PCDHA5: variants seen among roughly 807,000 people sequenced by gnomAD.
PCDHA5 encodes protocadherin alpha-5.
In PCDHA5, 43 loss-of-function variants were observed where a neutral mutation model predicts 61.6. That is an observed-to-expected ratio of 0.70 (90% CI 0.55 to 0.90). The LOEUF is 0.90. Among genes scored for constraint, PCDHA5 ranks in the 40% least tolerant of loss-of-function variants. PCDHA5 has a pLI of 0.00. For synonymous variants in PCDHA5, 627 were observed against 543.9 expected, an observed-to-expected ratio of 1.15 and a Z score of -2.13; for missense variants, 1,298 against 1,222.7, an observed-to-expected ratio of 1.06 and a Z score of -0.92.
chr5:140,902,142 A>T (rs2069127125), intron 1 of PCDHA5, among the ~76,000 whole-genome samples: 1 of 151,120 alleles, frequency 6.6e-6, no homozygotes, highest in African/African-American at 2.4e-5. Flanking sequence ...GCAAACAAGG[A>T]TAATTTGATT....
intron 1 of PCDHA5, among the ~76,000 whole-genome samples, chr5:140,886,732 A>C (rs1457707116): frequency 3.9e-5 from 6 of 151,952 alleles, no homozygotes; most frequent in Non-Finnish European, 8.8e-5. Flanking sequence ...AGGCTGAAGC[A>C]AGAGAATTGC....
intron 1 of PCDHA5, chr5:140,869,938 T>TA (rs2051517617): frequency 6.2e-7 from 1 of 1,611,918 alleles, no homozygotes; most frequent in Admixed American, 1.7e-5. Context: ...AGAGGTAACA[T>TA]ACTCCTTAAT....
intron 1 of PCDHA5, among the ~76,000 whole-genome samples, chr5:140,900,607 C>T (rs1340239730): frequency 6.6e-6 from 1 of 152,170 alleles, no homozygotes; most frequent in Non-Finnish European, 1.5e-5. Context: ...TGATGATGGA[C>T]ATGTAGATTG....
At chr5:140,907,534 T>G (rs2073435289) in intron 1 of PCDHA5, among the ~76,000 whole-genome samples, 1 of 152,204 alleles carries the variant, frequency 6.6e-6, no homozygotes, top group African/African-American at 2.4e-5. Flanking sequence ...CGCTGCCCTT[T>G]CTATGATGGA....
chr5:140,889,767 C>T (rs539294045), intron 1 of PCDHA5, among the ~76,000 whole-genome samples: 29 of 152,202 alleles, frequency 1.9e-4, no homozygotes, highest in African/African-American at 6.7e-4. Context: ...TGAACTTTGA[C>T]TGGTCTTAAT....
chr5:140,935,318 T>A (rs1554210460), intron 1 of PCDHA5, among the ~76,000 whole-genome samples: 1 of 152,194 alleles, frequency 6.6e-6, no homozygotes, highest in African/African-American at 2.4e-5. Flanking sequence ...TTCATCAATC[T>A]TACATTCCTA....
intron 1 of PCDHA5, among the ~76,000 whole-genome samples, chr5:140,977,958 C>T (rs1912706): frequency 0.036 from 5,518 of 152,194 alleles, 299 homozygotes; most frequent in African/African-American, 0.12. Context: ...AGGGCCACCT[C>T]AATCTCCGCC....
At chr5:140,895,835 A>G (rs782780692) in intron 1 of PCDHA5, among the ~76,000 whole-genome samples, 3 of 152,096 alleles carry the variant, frequency 2.0e-5, no homozygotes, top group Non-Finnish European at 4.4e-5. Context: ...TTTTCAGACA[A>G]AGTCTCACTC....
At chr5:140,830,280 G>T (rs2150184170) in intron 1 of PCDHA5, 1 of 1,613,766 alleles carries the variant, frequency 6.2e-7, no homozygotes, top group East Asian at 2.2e-5. Flanking sequence ...CCCACCGAGG[G>T]CGCGTGCACG....
At chr5:140,927,064 C>T (rs1409465902) in intron 1 of PCDHA5, 2 of 1,611,234 alleles carry the variant, frequency 1.2e-6, no homozygotes, top group Admixed American at 1.7e-5. Flanking sequence ...CTTTCGCTTC[C>T]TTTCCAGCCA....
At chr5:140,885,581 G>A (rs984552337) in intron 1 of PCDHA5, among the ~76,000 whole-genome samples, 5 of 152,098 alleles carry the variant, frequency 3.3e-5, no homozygotes, top group African/African-American at 1.2e-4. Flanking sequence ...ATGTGGAATT[G>A]ATGCATCAAA....
At chr5:140,840,433 C>T (rs1580937674) in intron 1 of PCDHA5, among the ~76,000 whole-genome samples, 1 of 151,660 alleles carries the variant, frequency 6.6e-6, no homozygotes, top group African/African-American at 2.4e-5. Context: ...AGTTTAAAGC[C>T]GTGGAAATAG....
chr5:140,970,651 T>C (rs1191146950), intron 1 of PCDHA5, among the ~76,000 whole-genome samples: 4 of 152,226 alleles, frequency 2.6e-5, no homozygotes, highest in Non-Finnish European at 5.9e-5. Flanking sequence ...TAGTGATGAA[T>C]TGTTATCTTT....
intron 1 of PCDHA5, among the ~76,000 whole-genome samples, chr5:140,902,554 A>AT (rs1414683182): frequency 6.6e-6 from 1 of 151,896 alleles, no homozygotes; most frequent in East Asian, 1.9e-4. Context: ...CTATACCCAG[A>AT]TTTTTGAGGG....
intron 1 of PCDHA5, chr5:140,828,250 G>A: frequency 3.1e-6 from 5 of 1,613,982 alleles, no homozygotes; most frequent in African/African-American, 1.3e-5. Flanking sequence ...AGGACCTGGG[G>A]CTGGAGCTGG....
chr5:140,850,670 G>A, intron 1 of PCDHA5: 1 of 1,598,618 alleles, frequency 6.3e-7, no homozygotes, highest in Non-Finnish European at 8.6e-7. Context: ...GGTGCTCGGC[G>A]ATGCCCACCG....
At chr5:140,893,763 TG>T (rs1554185760) in intron 1 of PCDHA5, among the ~76,000 whole-genome samples, 1 of 152,156 alleles carries the variant, frequency 6.6e-6, no homozygotes, top group African/African-American at 2.4e-5. Flanking sequence ...ATAGGTGACT[TG>T]TCACTTTTCT....
At position 140,971,319 on chromosome 5, in the gene PCDHA5, A is replaced by C. The variant is rs568701560; in HGVS notation, c.2353-7630A>C. ...TGGTACACAAACATTTAATCTAGGG[A>C]GAAAATTATTTCAGAAAGTGCTTGC... is the stretch of plus-strand genomic sequence containing the variant. On this transcript the variant is annotated intron_variant, in intron 1 of 3. Transcript: ENST00000529859. Among the ~76,000 whole-genome samples the C allele has an allele frequency of 2.1e-4, 32 of 152,346 alleles. 1 individual carries two copies. Among genetic ancestry groups the C allele is most frequent in the Admixed American group, 2.0e-3 (31 of 15,306 alleles).
At chr5:140,949,181 A>G (rs2094350223) in intron 1 of PCDHA5, among the ~76,000 whole-genome samples, 2 of 151,604 alleles carry the variant, frequency 1.3e-5, no homozygotes, top group Non-Finnish European at 3.0e-5. Context: ...CAGAGAACAT[A>G]CTCTGCATGA....
Sources: allele counts gnomAD v4.1 joint callset (sites outside exome capture counted in the v4.1 genomes callset), GRCh38; gene constraint gnomAD v4.1.1; transcripts MANE v1.5; gene names NCBI Gene and HGNC (gene_info 2026-07-23, HGNC 2026-07-21).